The following TENM1 variants were observed in gnomAD, a reference collection of about 807,000 sequenced individuals.
TENM1 encodes the protein teneurin transmembrane protein 1.
TENM1 carries 35 observed loss-of-function variants against 174.8 expected under a neutral mutation model. The ratio of observed to expected loss-of-function variants is 0.20; its 90% CI spans 0.15 to 0.27. The LOEUF is 0.27. Among genes scored for constraint, TENM1 ranks in the 10% least tolerant of loss-of-function variants. The pLI, the probability that TENM1 is intolerant of heterozygous loss-of-function variation, is 1.00. For synonymous variants in TENM1, 781 were observed against 798.7 expected (o/e 0.98, Z 0.37); for missense variants, 1,633 against 2,130.1 (o/e 0.77, Z 4.59).
At chrX:125,090,494 A>G in the TENM1 span, among the ~76,000 whole-genome samples, 1 of 108,096 alleles carries the variant, frequency 9.3e-6, no homozygotes, top group Non-Finnish European at 1.9e-5. Context: ...AAATATACAA[A>G]AAAAAAAAAA....
rs757680610 is a variant in TENM1 at position 124,586,771 on chromosome X, T to C, written c.2078-21211A>G. On this transcript the variant is annotated intron_variant, in intron 11 of 31. Coordinates refer to ENST00000422452, the Ensembl canonical transcript of TENM1. ...TTGTCCCTGTTTGCAGATGACATGA[T>C]TGTATATCTAGAAAACCCCATTGTC... is the stretch of plus-strand genomic sequence containing the variant. 9.3e-3 allele frequency among the ~76,000 whole-genome samples: 984 copies of C among 105,843 alleles called. 15 individuals are homozygous for C. Among genetic ancestry groups the C allele is most frequent in the African/African-American group, 0.033 (945 of 28,394 alleles). 91.9% of individuals were successfully genotyped at this position (105,843 alleles called of 115,157 possible).
chrX:125,109,463 T>C, the TENM1 span, among the ~76,000 whole-genome samples: 2 of 110,780 alleles, frequency 1.8e-5, no homozygotes, highest in Non-Finnish European at 3.8e-5. Flanking sequence ...GCTGCACAGA[T>C]CAACCCATCA....
rs374515261 is a variant in TENM1 at position 124,878,303 on chromosome X, T to C, written c.535+15993A>G. On this transcript the variant is annotated intron_variant, in intron 3 of 31. Coordinates refer to ENST00000422452, the Ensembl canonical transcript of TENM1. ...GCTAGTCCAGAGAACCACAGAACTA[T>C]AGAGGAGGAACAATCTCATCCAGAG... 8.1e-5 allele frequency among the ~76,000 whole-genome samples: 9 copies of C among 111,252 alleles called. No homozygotes were observed. In the East Asian group the frequency reaches 1.4e-3, roughly 17 times the overall value.
At chrX:124,476,979 T>A (rs765202854) in intron 22 of TENM1, among the ~76,000 whole-genome samples, 1 of 112,417 alleles carries the variant, frequency 8.9e-6, no homozygotes, top group Admixed American at 9.4e-5. Context: ...AAATGGCAAA[T>A]GTTTCTCTTT....
At chrX:124,699,873 C>T (rs1477958836) in intron 5 of TENM1, among the ~76,000 whole-genome samples, 1 of 111,145 alleles carries the variant, frequency 9.0e-6, no homozygotes, top group Non-Finnish European at 1.9e-5. Context: ...TTCCAGATCC[C>T]TGCTTAGAGA....
At chrX:125,070,869 G>A in the TENM1 span, among the ~76,000 whole-genome samples, 295 of 111,407 alleles carry the variant, frequency 2.6e-3, no homozygotes, top group Non-Finnish European at 4.0e-3. Context: ...TGATGTAGAA[G>A]GAAATCAAAT....
intron 6 of TENM1, among the ~76,000 whole-genome samples, chrX:124,662,968 G>GT (rs200565290): frequency 0.013 from 1,506 of 112,144 alleles, 28 homozygotes; most frequent in African/African-American, 0.046. Context: ...TACAGTTAAA[G>GT]TAGCAGCTTG....
chrX:125,062,901 C>T, the TENM1 span, among the ~76,000 whole-genome samples: 7 of 112,096 alleles, frequency 6.2e-5, no homozygotes, highest in Middle Eastern at 4.2e-3. Context: ...GCTTCACATT[C>T]AGCAAGGCAT....
rs1323932471 is a variant in TENM1 at position 124,692,314 on chromosome X, G to A, written c.1015+12699C>T. On this transcript the variant is annotated intron_variant, in intron 5 of 31. Coordinates refer to ENST00000422452, the Ensembl canonical transcript of TENM1. ...TGGAGAGTGGAGGAAGATGAGGATC[G>A]AAAAACTACCTATCAGGTACTATGC... is the stretch of plus-strand genomic sequence containing the variant. Among the ~76,000 whole-genome samples, 4 of 111,019 alleles carry A rather than the reference G, an allele frequency of 3.6e-5. No individual in the cohort carries two copies. In the Admixed American group the frequency reaches 3.9e-4, roughly 11 times the overall value.
rs191580062 is a variant in TENM1 at position 124,582,037 on chromosome X, C to T, written c.2078-16477G>A. On this transcript the variant is annotated intron_variant, in intron 11 of 31. Transcript: ENST00000422452. The stretch of plus-strand genomic sequence containing the variant: ...TTAGCTATTTTTCCTGATGATCTCC[C>T]TTCCCCACACCCCAATAGTCCCCAG... 5.0e-3 allele frequency among the ~76,000 whole-genome samples: 555 copies of T among 111,429 alleles called. 4 individuals are homozygous for T. The highest frequency in any genetic ancestry group is 0.018 in the African/African-American group (543 of 30,603).
At chrX:125,143,046 A>G in the TENM1 span, among the ~76,000 whole-genome samples, 1 of 112,275 alleles carries the variant, frequency 8.9e-6, no homozygotes, top group Admixed American at 9.5e-5. Flanking sequence ...CAAAACATGT[A>G]AAAATATTTG....
chrX:124,483,735 A>G (rs2046894892), intron 21 of TENM1, among the ~76,000 whole-genome samples: 1 of 112,103 alleles, frequency 8.9e-6, no homozygotes, highest in African/African-American at 3.2e-5. Context: ...ACTTGTGTGC[A>G]AGATACACAC....
At chrX:124,793,687 A>G (rs1178493987) in intron 3 of TENM1, among the ~76,000 whole-genome samples, 4 of 111,506 alleles carry the variant, frequency 3.6e-5, no homozygotes, top group Non-Finnish European at 7.5e-5. Context: ...GGCCAAACGC[A>G]TATTTCATAG....
At chrX:124,570,517 T>C (rs1018200205) in intron 11 of TENM1, among the ~76,000 whole-genome samples, 3 of 111,553 alleles carry the variant, frequency 2.7e-5, no homozygotes, top group Non-Finnish European at 5.7e-5. Flanking sequence ...CAATTTGTGC[T>C]TATTCTAGGA....
chrX:124,946,938 A>C (rs746996820), intron 1 of TENM1, among the ~76,000 whole-genome samples: 48 of 110,668 alleles, frequency 4.3e-4, no homozygotes, highest in Non-Finnish European at 5.1e-4. Flanking sequence ...AAAAAAAAAA[A>C]AAAACTAAAA....
upstream of TENM1, among the ~76,000 whole-genome samples, chrX:124,965,139 G>A (rs936005233): frequency 1.8e-5 from 2 of 111,856 alleles, no homozygotes; most frequent in Non-Finnish European, 3.8e-5. Context: ...GTTCAGTGGT[G>A]CGATCTCGGC....
chrX:124,479,655 C>T (rs769049507), intron 22 of TENM1, among the ~76,000 whole-genome samples: 16 of 111,406 alleles, frequency 1.4e-4, no homozygotes, highest in Non-Finnish European at 3.8e-5. Context: ...AATATTCATT[C>T]TCTGTGTGGC....
intron 1 of TENM1, among the ~76,000 whole-genome samples, chrX:124,937,954 A>G (rs1233418581): frequency 9.0e-6 from 1 of 111,522 alleles, no homozygotes; most frequent in East Asian, 2.8e-4. Context: ...TGCGTTGAAG[A>G]TTGGTCTGAA....
chrX:124,979,045 C>T, the TENM1 span, among the ~76,000 whole-genome samples: 3 of 112,373 alleles, frequency 2.7e-5, no homozygotes, highest in Admixed American at 1.9e-4. Flanking sequence ...GGGCATCATT[C>T]ACCTCTTCAC....
Sources: gnomAD v4.1 joint callset for allele counts (sites outside exome capture counted in the v4.1 genomes callset) on GRCh38, gnomAD v4.1.1 for gene constraint, MANE v1.5 for transcripts, NCBI Gene and HGNC (gene_info 2026-07-23, HGNC 2026-07-21) for gene names.